Variants in MACO1 observed in about 807,000 individuals in gnomAD.
MACO1 encodes macoilin 1.
Under a neutral mutation model 78.7 loss-of-function variants are expected in MACO1, and 14 were observed. The ratio of observed to expected loss-of-function variants is 0.18; its 90% CI spans 0.12 to 0.28. The LOEUF (loss-of-function observed/expected upper bound fraction) is 0.28. Ranked by LOEUF, MACO1 falls within the 10% of genes least tolerant of loss-of-function variation. MACO1 has a pLI of 1.00. For synonymous variants in MACO1, 288 were observed against 291.6 expected, an observed-to-expected ratio of 0.99 and a Z score of 0.12; for missense variants, 501 against 799.0, an observed-to-expected ratio of 0.63 and a Z score of 4.50.
chr1:25,497,593 G>A (rs895485831), intron 10 of MACO1, among the ~76,000 whole-genome samples: 3 of 152,132 alleles, frequency 2.0e-5, no homozygotes, highest in Admixed American at 6.5e-5. Context: ...TGTGCTGGAA[G>A]GCTAAATAGG....
In MACO1 at chr1:25,485,607, A is replaced by C; in HGVS notation, c.1314-6A>C. The C allele has an allele frequency of 6.2e-7, 1 of 1,608,746 alleles. No homozygotes were observed. Among genetic ancestry groups the C allele is most frequent in the Non-Finnish European group, 8.5e-7 (1 of 1,178,542 alleles). ...AAGACTTTATATGACAATCATTTCC[A>C]TATAGGTTACATAATGCTGTGCAAA... On this transcript the variant is annotated splice_region_variant and splice_polypyrimidine_tract_variant and intron_variant, in intron 7 of 10. Transcript: ENST00000374343. This position sits in a 1 kb window ranked among gnomAD's most constrained non-coding sequence, Gnocchi z 4.3.
chr1:25,434,857 G>A (rs1448142243), intron 1 of MACO1, among the ~76,000 whole-genome samples: 1 of 152,102 alleles, frequency 6.6e-6, no homozygotes, highest in Non-Finnish European at 1.5e-5. Flanking sequence ...TCTCATTGCA[G>A]GCAGTGATTT....
intron 3 of MACO1, among the ~76,000 whole-genome samples, chr1:25,450,347 C>T (rs2043054872): frequency 6.6e-6 from 1 of 152,160 alleles, no homozygotes; most frequent in Non-Finnish European, 1.5e-5. Context: ...TAGAGCTATA[C>T]TTCTGTCACT....
In MACO1 at chr1:25,485,605, C is replaced by T. The variant is rs996540753; in HGVS notation, c.1314-8C>T. Reference sequence around the variant, plus strand: ...TTAAGACTTTATATGACAATCATTTCCATATAGGTTACATAATGCTGTGCA... The same window carrying T: ...TTAAGACTTTATATGACAATCATTTTCATATAGGTTACATAATGCTGTGCA... On this transcript the variant is annotated splice_region_variant and splice_polypyrimidine_tract_variant and intron_variant, in intron 7 of 10. Coordinates refer to ENST00000374343, the MANE Select transcript of MACO1 (RefSeq NM_018202.6). The surrounding 1 kb of genome is among the most constrained non-coding windows in gnomAD (Gnocchi z 4.3). 1.9e-6 allele frequency: 3 copies of T among 1,606,656 alleles called. No homozygotes were observed. The highest frequency in any genetic ancestry group is 2.7e-5 in the African/African-American group (2 of 74,288).
intron 1 of MACO1, among the ~76,000 whole-genome samples, chr1:25,445,917 A>G (rs992668237): frequency 7.9e-5 from 12 of 152,206 alleles, no homozygotes; most frequent in Admixed American, 7.9e-4. Context: ...AAAGGATTCT[A>G]TTGTCCATTA....
At chr1:25,472,921 C>T (rs995172276) in intron 6 of MACO1, among the ~76,000 whole-genome samples, 2 of 152,186 alleles carry the variant, frequency 1.3e-5, no homozygotes, top group African/African-American at 4.8e-5. Context: ...AGAATGGGAA[C>T]TGTGAAAACT....
chr1:25,482,481 C>G (rs1231598350), intron 6 of MACO1, among the ~76,000 whole-genome samples: 3 of 152,184 alleles, frequency 2.0e-5, no homozygotes, highest in African/African-American at 4.8e-5. Context: ...AGACTAATGG[C>G]TTGCCCGCAC....
rs2043408165 is a variant in MACO1 at position 25,484,256 on chromosome 1, A to G, written c.1295A>G (p.Asn432Ser). ...RSEMGQLRQE[N>S]ELLQNKLHNA... ...GAAATGGGCCAGCTTCGGCAGGAGA[A>G]CGAGCTGCTGCAGAACAAGTACGTG... The change falls in exon 7 of 11, where the codon AAC becomes AGC. Residue 432 changes from asparagine (N) to serine (S), a missense_variant. This residue lies in a region of MACO1 where 163 missense variants were observed against 271.9 expected (regional missense o/e 0.60). Transcript: ENST00000374343. 1 of 1,611,860 alleles carries G rather than the reference A, an allele frequency of 6.2e-7. No homozygotes were observed. Among genetic ancestry groups the G allele is most frequent in the Non-Finnish European group, 8.5e-7 (1 of 1,179,414 alleles).
rs566972776 is a variant in MACO1 at position 25,469,452 on chromosome 1, C to T, written c.1154+10560C>T. ...TAAAACATGAATCTGCCCTTTTTTC[C>T]TTAAAAGGGCAGATGAAGATAGCAA... On this transcript the variant is annotated intron_variant, in intron 6 of 10. Coordinates refer to ENST00000374343, the MANE Select transcript of MACO1 (RefSeq NM_018202.6). Among the ~76,000 whole-genome samples, 30 of 151,992 alleles carry T rather than the reference C, an allele frequency of 2.0e-4. No homozygotes were observed. In the South Asian group the frequency reaches 5.2e-3, roughly 26 times the overall value.
At chr1:25,435,661 G>C (rs1400516401) in intron 1 of MACO1, among the ~76,000 whole-genome samples, 2 of 152,168 alleles carry the variant, frequency 1.3e-5, no homozygotes, top group Non-Finnish European at 2.9e-5. Context: ...AGATACCTGT[G>C]TTGCAATCTC....
intron 1 of MACO1, among the ~76,000 whole-genome samples, chr1:25,440,393 C>A (rs1358779011): frequency 5.5e-5 from 8 of 145,460 alleles, no homozygotes; most frequent in African/African-American, 1.8e-4. Context: ...CAAAGGAAGA[C>A]CCCAGTTCTG....
chr1:25,432,035 T>C (rs1184209472), intron 1 of MACO1, among the ~76,000 whole-genome samples: 2 of 152,154 alleles, frequency 1.3e-5, no homozygotes, highest in Non-Finnish European at 2.9e-5. Flanking sequence ...CTTCCCCAAG[T>C]CGATTTGTGT....
At chr1:25,478,454 A>C (rs2043342127) in intron 6 of MACO1, among the ~76,000 whole-genome samples, 1 of 152,166 alleles carries the variant, frequency 6.6e-6, no homozygotes, top group Non-Finnish European at 1.5e-5. Flanking sequence ...TTTACATTAC[A>C]GTTTATCTTA....
intron 6 of MACO1, among the ~76,000 whole-genome samples, chr1:25,469,771 G>A (rs1457963495): frequency 6.6e-6 from 1 of 151,832 alleles, no homozygotes; most frequent in African/African-American, 2.4e-5. Flanking sequence ...CGAGTAGCTG[G>A]GACTACAGGC....
chr1:25,452,308 G>A lies in MACO1; in HGVS notation c.350-1951G>A, dbSNP rs575119525. On this transcript the variant is annotated intron_variant, in intron 3 of 10. Coordinates refer to ENST00000374343, the MANE Select transcript of MACO1 (RefSeq NM_018202.6). ...TGTAGTCCACATTCATAAATATCCC[G>A]TTATTAGTCATGTCCTGATATAGAT... is the stretch of plus-strand genomic sequence containing the variant. 2.4e-4 allele frequency among the ~76,000 whole-genome samples: 37 copies of A among 152,148 alleles called. 1 individual carries two copies. In the South Asian group the frequency reaches 6.2e-3, roughly 26 times the overall value.
chr1:25,462,929 A>G (rs1300768678), intron 6 of MACO1, among the ~76,000 whole-genome samples: 1 of 152,206 alleles, frequency 6.6e-6, no homozygotes, highest in African/African-American at 2.4e-5. Flanking sequence ...AATAAATTTT[A>G]CTGGAACACA....
In MACO1 at chr1:25,485,887, G is replaced by C. The variant is rs903748886; in HGVS notation, c.1496+92G>C. Reference sequence around the variant, plus strand: ...TTTGGTGCCTTGGGCAGGATTGGACGTACAGCAATCATGCACGGATGGATT... The same window carrying C: ...TTTGGTGCCTTGGGCAGGATTGGACCTACAGCAATCATGCACGGATGGATT... On this transcript the variant is annotated intron_variant, in intron 8 of 10. Transcript: ENST00000374343. The surrounding 1 kb of genome is among the most constrained non-coding windows in gnomAD (Gnocchi z 4.3). 1 of 1,371,420 alleles carries C rather than the reference G, an allele frequency of 7.3e-7. No homozygotes were observed. The highest frequency in any genetic ancestry group is 1.0e-6 in the Non-Finnish European group (1 of 996,590). 85.0% of individuals were successfully genotyped at this position (1,371,420 alleles called of 1,614,324 possible).
intron 1 of MACO1, among the ~76,000 whole-genome samples, chr1:25,433,957 T>C (rs1305100345): frequency 6.6e-6 from 1 of 152,190 alleles, no homozygotes; most frequent in African/African-American, 2.4e-5. Flanking sequence ...AAACAAAGGG[T>C]CAGTTGCTGT....
intron 10 of MACO1, among the ~76,000 whole-genome samples, chr1:25,493,859 A>T (rs1168449472): frequency 6.7e-6 from 1 of 149,880 alleles, no homozygotes; most frequent in Non-Finnish European, 1.5e-5. Flanking sequence ...CAGCCTCCCG[A>T]GTAGCTGGGA....
Sources: gnomAD v4.1 joint callset for allele counts (sites outside exome capture counted in the v4.1 genomes callset) on GRCh38, gnomAD v4.1.1 for gene constraint, gnomAD v4.1.1 regional missense constraint, Gnocchi (gnomAD v3.1) non-coding constraint, MANE v1.5 for transcripts, NCBI Gene and HGNC (gene_info 2026-07-23, HGNC 2026-07-21) for gene names.